The following LINGO2 variants were observed in gnomAD, a reference collection of about 807,000 sequenced individuals.
LINGO2 encodes leucine-rich repeat and immunoglobulin-like domain-containing nogo receptor-interacting protein 2.
Under a neutral mutation model 30.6 loss-of-function variants are expected in LINGO2, and 14 were observed. The observed-to-expected ratio is 0.46, with a 90% CI of 0.30 to 0.72. The LOEUF (loss-of-function observed/expected upper bound fraction) is 0.72, where lower values mean the gene tolerates loss of function less well. Among genes scored for constraint, LINGO2 ranks in the 30% least tolerant of loss-of-function variants. The pLI is 0.07. For missense variants in LINGO2, 729 were observed against 751.7 expected (o/e 0.97, Z 0.35); for synonymous variants, 317 against 288.5 (o/e 1.10, Z -1.00).
intron 4 of LINGO2, among the ~76,000 whole-genome samples, chr9:28,244,389 G>A (rs886254662): frequency 6.6e-5 from 10 of 150,872 alleles, no homozygotes; most frequent in East Asian, 1.9e-4. Flanking sequence ...ATCTCAAATC[G>A]ACAGAACTAC....
chr9:28,342,186 C>T (rs1825789060), intron 3 of LINGO2, among the ~76,000 whole-genome samples: 1 of 152,134 alleles, frequency 6.6e-6, no homozygotes, highest in African/African-American at 2.4e-5. Flanking sequence ...AAACCTCTCG[C>T]TGTCTATATA....
chr9:28,562,561 T>A (rs1480828070), intron 1 of LINGO2, among the ~76,000 whole-genome samples: 1 of 151,642 alleles, frequency 6.6e-6, no homozygotes, highest in Non-Finnish European at 1.5e-5. Flanking sequence ...GAAAATAAAT[T>A]TCTACAAAGC....
chr9:27,988,058 T>C (rs1024230018), intron 5 of LINGO2, among the ~76,000 whole-genome samples: 3 of 152,052 alleles, frequency 2.0e-5, no homozygotes, highest in Non-Finnish European at 4.4e-5. Flanking sequence ...TGTGTCCAAG[T>C]GTTCTCATAG....
intron 4 of LINGO2, among the ~76,000 whole-genome samples, chr9:28,072,082 A>G (rs766022448): frequency 6.6e-6 from 1 of 152,098 alleles, no homozygotes; most frequent in African/African-American, 2.4e-5. Flanking sequence ...ACTTTTTTCT[A>G]TTCACTTAAC....
chr9:29,053,757 T>A, the LINGO2 span, among the ~76,000 whole-genome samples: 1 of 152,128 alleles, frequency 6.6e-6, no homozygotes, highest in Non-Finnish European at 1.5e-5. Flanking sequence ...GTCATTGTAT[T>A]TCAAGTATAA....
chr9:28,917,988 A>C, the LINGO2 span, among the ~76,000 whole-genome samples: 1 of 152,028 alleles, frequency 6.6e-6, no homozygotes, highest in African/African-American at 2.4e-5. Flanking sequence ...TCCATTTTGA[A>C]TTTTTATCTC....
chr9:29,140,715 A>G, the LINGO2 span, among the ~76,000 whole-genome samples: 1 of 152,028 alleles, frequency 6.6e-6, no homozygotes, highest in Non-Finnish European at 1.5e-5. Flanking sequence ...AGATCATATC[A>G]TGTCAAATTA....
the LINGO2 span, among the ~76,000 whole-genome samples, chr9:29,038,890 A>T: frequency 2.7e-4 from 41 of 152,186 alleles, no homozygotes; most frequent in African/African-American, 9.4e-4. Flanking sequence ...CTCAAAAGTC[A>T]GTACAGTATA....
intron 4 of LINGO2, among the ~76,000 whole-genome samples, chr9:28,087,652 C>T (rs1175231045): frequency 6.6e-6 from 1 of 152,030 alleles, no homozygotes; most frequent in Non-Finnish European, 1.5e-5. Context: ...GAATATGCCA[C>T]ATACTCAACA....
chr9:28,768,122 A>G, the LINGO2 span, among the ~76,000 whole-genome samples: 3 of 152,336 alleles, frequency 2.0e-5, no homozygotes, highest in Non-Finnish European at 2.9e-5. Context: ...AAGAGTGACT[A>G]TCCCTTATTT....
At chr9:28,816,834 G>A in the LINGO2 span, among the ~76,000 whole-genome samples, 4 of 152,118 alleles carry the variant, frequency 2.6e-5, no homozygotes, top group Non-Finnish European at 5.9e-5. Flanking sequence ...ATAACTTATT[G>A]TAAATCAGTA....
At chr9:28,439,965 T>C (rs1217247486) in intron 2 of LINGO2, among the ~76,000 whole-genome samples, 1 of 149,678 alleles carries the variant, frequency 6.7e-6, no homozygotes, top group African/African-American at 2.5e-5. Flanking sequence ...TATAACTTGA[T>C]GTGTACATGC....
the LINGO2 span, among the ~76,000 whole-genome samples, chr9:28,811,297 T>C: frequency 6.6e-6 from 1 of 152,166 alleles, no homozygotes; most frequent in Non-Finnish European, 1.5e-5. Flanking sequence ...CTAGTCCCAG[T>C]CACAATTATC....
chr9:28,428,352 G>A (rs1330721284), intron 2 of LINGO2, among the ~76,000 whole-genome samples: 2 of 152,134 alleles, frequency 1.3e-5, no homozygotes, highest in Non-Finnish European at 2.9e-5. Flanking sequence ...AGGAGGAAAG[G>A]GGATCTTGCC....
intron 5 of LINGO2, among the ~76,000 whole-genome samples, chr9:28,006,892 G>A (rs1822293150): frequency 6.6e-6 from 1 of 151,300 alleles, no homozygotes; most frequent in Non-Finnish European, 1.5e-5. Context: ...GTAGAGAGCA[G>A]CTAATCCACA....
intron 1 of LINGO2, among the ~76,000 whole-genome samples, chr9:28,517,038 C>T (rs1015722713): frequency 6.6e-6 from 1 of 152,250 alleles, no homozygotes; most frequent in Non-Finnish European, 1.5e-5. Flanking sequence ...GACAACTTGG[C>T]GAATATCACT....
chr9:28,092,110 G>A (rs1220468420), intron 4 of LINGO2, among the ~76,000 whole-genome samples: 4 of 152,012 alleles, frequency 2.6e-5, no homozygotes, highest in African/African-American at 7.2e-5. Flanking sequence ...ACTGTAAACT[G>A]GTTCAACCAC....
intron 5 of LINGO2, among the ~76,000 whole-genome samples, chr9:27,993,740 G>C (rs1032102809): frequency 6.6e-6 from 1 of 151,972 alleles, no homozygotes; most frequent in African/African-American, 2.4e-5. Context: ...CTGAAAGAAA[G>C]GTAATCTTAC....
At chr9:29,136,069 C>G in the LINGO2 span, among the ~76,000 whole-genome samples, 10 of 152,346 alleles carry the variant, frequency 6.6e-5, no homozygotes, top group African/African-American at 2.4e-4. Context: ...AGATGCCTCT[C>G]ACTTCCCATC....
Sources: gnomAD v4.1 joint callset for allele counts (sites outside exome capture counted in the v4.1 genomes callset) on GRCh38, gnomAD v4.1.1 for gene constraint, MANE v1.5 for transcripts, NCBI Gene and HGNC (gene_info 2026-07-23, HGNC 2026-07-21) for gene names.